Variants in UBA3 observed in about 807,000 individuals in gnomAD.
UBA3 encodes ubiquitin like modifier activating enzyme 3, also known as NEDD8-activating enzyme E1 catalytic subunit.
Under a neutral mutation model 73.5 loss-of-function variants are expected in UBA3, and 26 were observed. The ratio of observed to expected loss-of-function variants is 0.35; its 90% CI spans 0.26 to 0.49. UBA3 has a LOEUF of 0.49. UBA3 is among the 20% of genes least tolerant of loss of function. UBA3 has a pLI of 0.98. For synonymous variants in UBA3, 217 were observed against 191.2 expected, an observed-to-expected ratio of 1.13 and a Z score of -1.11; for missense variants, 495 against 555.6, an observed-to-expected ratio of 0.89 and a Z score of 1.10.
At chr3:69,071,664 T>TA in intron 4 of UBA3, 47 bp from the exon 5 acceptor site, 1 of 1,198,644 alleles carries the variant, frequency 8.3e-7, no homozygotes, top group Non-Finnish European at 1.2e-6. Context: ...TCCTCACATT[T>TA]AAAAACGTAA....
intron 4 of UBA3, 65 bp downstream of exon 4, chr3:69,075,365 G>A: frequency 1.3e-6 from 1 of 773,538 alleles, no homozygotes; most frequent in Non-Finnish European, 1.8e-6. Flanking sequence ...TAGTATGACA[G>A]ATAAGTAAGG....
rs761379382 is a variant in UBA3, at chr3:69,061,654, T to C, written c.910+160A>G. Reference sequence around the variant, plus strand: ...AAGTAAGTAAGATTCAATAATTTTATTAAATTCCCCCTAGCTAATAAGTAG... The same window carrying C: ...AAGTAAGTAAGATTCAATAATTTTACTAAATTCCCCCTAGCTAATAAGTAG... On this transcript the variant is annotated intron_variant, in intron 11 of 17. Transcript: ENST00000361055. The C allele has an allele frequency of 3.2e-5, 16 of 500,032 alleles. 1 individual carries two copies. The highest frequency in any genetic ancestry group is 4.6e-5 in the Non-Finnish European group (13 of 283,048). 31.0% of individuals were successfully genotyped at this position (500,032 alleles called of 1,614,324 possible). A position where few individuals can be genotyped will look rare whatever the true frequency, so the allele number is the denominator to read the frequency against.
chr3:69,056,761 A>G lies in UBA3; in HGVS notation c.1001+18T>C. ...CAAAACATAAATTTACATGCATATT[A>G]AAAATGAAACCTATTACCTTGTGGC... On this transcript the variant is annotated intron_variant, in intron 13 of 17. Coordinates refer to ENST00000361055, the MANE Select transcript of UBA3 (RefSeq NM_003968.4). 6.2e-7 allele frequency: 1 copy of G among 1,612,460 alleles called. No individual in the cohort carries two copies. Among genetic ancestry groups the G allele is most frequent in the Non-Finnish European group, 8.5e-7 (1 of 1,179,394 alleles).
Position 69,080,321 on chromosome 3 carries a change from C to G in UBA3, c.20+13G>C, listed in dbSNP as rs746711049. 1 of 1,604,452 alleles carries G rather than the reference C, an allele frequency of 6.2e-7. No individual in the cohort carries two copies. Among genetic ancestry groups the G allele is most frequent in the Admixed American group, 1.7e-5 (1 of 59,570 alleles). On this transcript the variant is annotated intron_variant, in intron 1 of 17. Transcript: ENST00000361055. ...AGCCCAGCCCGGCGCGTCTGCAGAG[C>G]CCCGGTACTTACGGCTCCTCGCCAT...
chr3:69,074,751 G>A (rs775166612), intron 4 of UBA3, among the ~76,000 whole-genome samples: 8 of 152,102 alleles, frequency 5.3e-5, no homozygotes, highest in Non-Finnish European at 1.0e-4. Flanking sequence ...ATTAGAAAAA[G>A]TCAAGGAAAC....
Position 69,055,884 on chromosome 3 carries a change from G to C in UBA3, c.1270C>G (p.Arg424Gly), listed in dbSNP as rs372032347. ...YLQSVTSIEE[R>G]TRPNLSKTLK... ...GTTTTGGAGAGATTTGGCCTTGTTC[G>C]TTCTTCAATAGAGGTTACCGACTAG... Residue 424 changes from arginine (R) to glycine (G), a missense_variant, in exon 17 of 18, where the codon CGA becomes GGA. Transcript: ENST00000361055. 6.2e-7 allele frequency: 1 copy of C among 1,612,502 alleles called. No homozygotes were observed. Among genetic ancestry groups the C allele is most frequent in the African/African-American group, 1.3e-5 (1 of 74,828 alleles).
chr3:69,056,580 A>G (rs776175911), intron 14 of UBA3, 32 bp downstream of exon 14: 2 of 1,533,170 alleles, frequency 1.3e-6, no homozygotes, highest in African/African-American at 1.4e-5. Flanking sequence ...CAAAATATGC[A>G]TGATCAAAAA....
chr3:69,063,414 A>C (rs772817082), intron 8 of UBA3, 25 bp downstream of exon 8: 1 of 1,589,908 alleles, frequency 6.3e-7, no homozygotes, highest in Non-Finnish European at 8.5e-7. Context: ...ACTTCAGAGA[A>C]CTATAACAAT....
chr3:69,080,059 TG>T, intron 2 of UBA3, 52 bp downstream of exon 2: 7 of 1,555,358 alleles, frequency 4.5e-6, no homozygotes, highest in Non-Finnish European at 6.2e-6. Context: ...AGGCCTGGGG[TG>T]GGGGGAGGCG....
chr3:69,073,895 G>A (rs972832404), intron 4 of UBA3, among the ~76,000 whole-genome samples: 11 of 147,920 alleles, frequency 7.4e-5, no homozygotes, highest in African/African-American at 1.2e-4. Context: ...CGCCTGCCTC[G>A]GCCTCCCAAA....
intron 5 of UBA3, among the ~76,000 whole-genome samples, chr3:69,069,205 A>G (rs2092100802): frequency 6.6e-6 from 1 of 152,236 alleles, no homozygotes; most frequent in Non-Finnish European, 1.5e-5. Flanking sequence ...CTCTCTTCAT[A>G]TTCCTTCCTA....
intron 12 of UBA3, among the ~76,000 whole-genome samples, chr3:69,057,031 A>G (rs1256390645): frequency 1.3e-5 from 2 of 152,220 alleles, no homozygotes; most frequent in Non-Finnish European, 2.9e-5. Context: ...TCAGATTAAT[A>G]AATGGCCTGC....
chr3:69,071,376 C>T, intron 5 of UBA3, 159 bp downstream of exon 5: 2 of 515,734 alleles, frequency 3.9e-6, no homozygotes, highest in Middle Eastern at 5.2e-4. Flanking sequence ...AATTTTCTTA[C>T]AAAACTTTAC....
rs1323051001 is a variant in UBA3 at position 69,060,290 on chromosome 3, C to A, written c.910+1524G>T. Among the ~76,000 whole-genome samples the A allele has an allele frequency of 1.3e-3, 175 of 138,370 alleles. 1 individual carries two copies. The highest frequency in any genetic ancestry group is 2.2e-3 in the African/African-American group (82 of 37,994). The allele number at this position is 138,370 out of a possible 152,430, so 90.8% of individuals were successfully genotyped here. ...ACCTATACTTGGATATTAAGAAAAA[C>A]AAAAAAAAAAAGACACTCCCCAAAC... is the stretch of plus-strand genomic sequence containing the variant. On this transcript the variant is annotated intron_variant, in intron 11 of 17. Transcript: ENST00000361055.
chr3:69,070,806 G>A (rs957798562), intron 5 of UBA3, among the ~76,000 whole-genome samples: 5 of 151,810 alleles, frequency 3.3e-5, no homozygotes, highest in Non-Finnish European at 7.4e-5. Flanking sequence ...GTGCACACCC[G>A]GCTAATTTTT....
intron 2 of UBA3, among the ~76,000 whole-genome samples, chr3:69,078,136 C>A (rs556882004): frequency 6.6e-6 from 1 of 152,252 alleles, no homozygotes; most frequent in South Asian, 2.1e-4. Context: ...TTTTATTTCA[C>A]CCAATGGATG....
Position 69,063,466 on chromosome 3 carries a change from G to A in UBA3, c.510C>T (p.Ile170=), listed in dbSNP as rs775997106. 8.6e-5 allele frequency: 133 copies of A among 1,548,748 alleles called. No homozygotes were observed. The highest frequency in any genetic ancestry group is 1.7e-4 in the Middle Eastern group (1 of 5,836). Residue 170 remains isoleucine, a synonymous_variant, in exon 8 of 18, where the codon ATC becomes ATT. Transcript: ENST00000361055. ...GCATGCCATTTATCCATCTTCTGGC[G>A]ATGATAGAGTCCAGTCCACATACAA... ...HIIVCGLDSI[I]ARRWINGMLI...
chr3:69,073,484 A>C (rs1054557751), intron 4 of UBA3, among the ~76,000 whole-genome samples: 1 of 152,182 alleles, frequency 6.6e-6, no homozygotes, highest in African/African-American at 2.4e-5. Context: ...GACATACTAT[A>C]TACTTACTTT....
intron 6 of UBA3, among the ~76,000 whole-genome samples, chr3:69,066,775 A>G (rs2092075453): frequency 6.6e-6 from 1 of 152,164 alleles, no homozygotes; most frequent in African/African-American, 2.4e-5. Context: ...TTTTGAGTTA[A>G]TTTTGTATGT....
Sources: gnomAD v4.1 joint callset for allele counts (sites outside exome capture counted in the v4.1 genomes callset) on GRCh38, gnomAD v4.1.1 for gene constraint, MANE v1.5 for transcripts, NCBI Gene and HGNC (gene_info 2026-07-23, HGNC 2026-07-21) for gene names.